Variants in MMP16 observed in about 807,000 individuals in gnomAD.
MMP16 encodes matrix metallopeptidase 16, also known as matrix metalloproteinase-16.
A neutral mutation model predicts 67.8 loss-of-function variants in MMP16; 12 were observed. The observed-to-expected ratio is 0.18, with a 90% CI of 0.11 to 0.29. The LOEUF (loss-of-function observed/expected upper bound fraction) is 0.29. Ranked by LOEUF, MMP16 falls within the 10% of genes least tolerant of loss-of-function variation. The pLI is 1.00. For synonymous variants in MMP16, 249 were observed against 255.9 expected (o/e 0.97, Z 0.26); for missense variants, 475 against 765.7 (o/e 0.62, Z 4.48).
At chr8:88,305,331 C>T (rs1024566065) in intron 1 of MMP16, among the ~76,000 whole-genome samples, 3 of 152,136 alleles carry the variant, frequency 2.0e-5, no homozygotes, top group African/African-American at 7.2e-5. Context: ...CTTAGATGCC[C>T]ACACAGCAAT....
At chr8:88,316,642 T>C (rs1024951394) in intron 1 of MMP16, among the ~76,000 whole-genome samples, 6 of 152,170 alleles carry the variant, frequency 3.9e-5, no homozygotes, top group African/African-American at 1.4e-4. Flanking sequence ...AGAGCTCTGA[T>C]GGAGATGTAT....
chr8:88,195,216 T>A (rs927140692), intron 2 of MMP16, among the ~76,000 whole-genome samples: 2 of 152,102 alleles, frequency 1.3e-5, no homozygotes, highest in Non-Finnish European at 2.9e-5. Flanking sequence ...AACATTTCCA[T>A]CCCAAGTCCT....
intron 1 of MMP16, among the ~76,000 whole-genome samples, chr8:88,229,558 T>C (rs1809826228): frequency 6.6e-6 from 1 of 152,066 alleles, no homozygotes; most frequent in African/African-American, 2.4e-5. Context: ...TTTAATTTGG[T>C]TTTTATTTGC....
chr8:88,271,468 T>C (rs1810561131), intron 1 of MMP16, among the ~76,000 whole-genome samples: 1 of 151,858 alleles, frequency 6.6e-6, no homozygotes, highest in Admixed American at 6.6e-5. Flanking sequence ...TCATTGCCAC[T>C]CACAGATTTG....
At chr8:88,236,037 T>C (rs1172996879) in intron 1 of MMP16, among the ~76,000 whole-genome samples, 2 of 152,220 alleles carry the variant, frequency 1.3e-5, no homozygotes, top group East Asian at 1.9e-4. Context: ...AGGAATGCTA[T>C]AGCAATAAAG....
At chr8:88,100,634 C>A (rs1375453629) in intron 6 of MMP16, among the ~76,000 whole-genome samples, 1 of 151,946 alleles carries the variant, frequency 6.6e-6, no homozygotes, top group Non-Finnish European at 1.5e-5. Flanking sequence ...TGGGTATATA[C>A]CCAAAGGATT....
intron 1 of MMP16, among the ~76,000 whole-genome samples, chr8:88,312,683 T>C (rs1019318800): frequency 3.9e-5 from 6 of 152,128 alleles, no homozygotes; most frequent in African/African-American, 1.4e-4. Flanking sequence ...TTAGTGTCCA[T>C]TTGAGCCAGG....
intron 6 of MMP16, among the ~76,000 whole-genome samples, chr8:88,106,051 G>GTATATATATATA (rs34758855): frequency 4.7e-4 from 69 of 145,416 alleles, no homozygotes; most frequent in African/African-American, 1.1e-3. Context: ...TACACGTTAT[G>GTATATATATATA]TATATATATA....
At chr8:88,044,594 A>G (rs2118193893) in intron 9 of MMP16, among the ~76,000 whole-genome samples, 1 of 152,248 alleles carries the variant, frequency 6.6e-6, no homozygotes, top group South Asian at 2.1e-4. Flanking sequence ...CTAAATTTTC[A>G]TTGTTTTGAG....
intron 4 of MMP16, among the ~76,000 whole-genome samples, chr8:88,161,543 C>G (rs1040468796): frequency 6.6e-6 from 1 of 151,984 alleles, no homozygotes; most frequent in African/African-American, 2.4e-5. Flanking sequence ...TTTTGTGTCT[C>G]TATTTCCTTC....
intron 1 of MMP16, among the ~76,000 whole-genome samples, chr8:88,279,316 T>C (rs1156738705): frequency 6.6e-6 from 1 of 152,306 alleles, no homozygotes; most frequent in African/African-American, 2.4e-5. Context: ...ATCCGCCATA[T>C]TGCATTAAAT....
At chr8:88,171,130 A>G (rs1808793304) in intron 3 of MMP16, among the ~76,000 whole-genome samples, 1 of 152,224 alleles carries the variant, frequency 6.6e-6, no homozygotes. Flanking sequence ...AAGCAAAATA[A>G]TATAATAAAA....
intron 2 of MMP16, among the ~76,000 whole-genome samples, chr8:88,193,242 T>C (rs988614823): frequency 2.6e-5 from 4 of 152,294 alleles, no homozygotes; most frequent in African/African-American, 7.2e-5. Context: ...TAAAATCCTG[T>C]AATTTGCAGC....
At chr8:88,311,840 A>G (rs1233345719) in intron 1 of MMP16, among the ~76,000 whole-genome samples, 1 of 152,202 alleles carries the variant, frequency 6.6e-6, no homozygotes, top group African/African-American at 2.4e-5. Context: ...CTTGCATGCC[A>G]TGTTATAAAT....
intron 1 of MMP16, among the ~76,000 whole-genome samples, chr8:88,273,092 T>C (rs1585992215): frequency 6.8e-6 from 1 of 146,782 alleles, no homozygotes; most frequent in African/African-American, 2.5e-5. Context: ...TAACCTGCCC[T>C]TTTTTTTTTG....
intron 1 of MMP16, among the ~76,000 whole-genome samples, chr8:88,306,579 C>T (rs981485046): frequency 2.0e-4 from 31 of 152,078 alleles, no homozygotes; most frequent in Admixed American, 3.9e-4. Context: ...AGCATATGCA[C>T]TACAATCAAG....
Position 88,046,678 on chromosome 8 carries a change from T to G in MMP16, c.1480A>C (p.Lys494Gln). 6.3e-7 allele frequency: 1 copy of G among 1,591,612 alleles called. No homozygotes were observed. Among genetic ancestry groups the G allele is most frequent in the South Asian group, 1.1e-5 (1 of 87,450 alleles). The change falls in exon 9 of 10, where the codon AAA (lysine) becomes CAA (glutamine). Residue 494 changes from lysine to glutamine, a missense_variant. This residue lies in a region of MMP16 where 23 missense variants were observed against 79.1 expected (regional missense o/e 0.29). Coordinates refer to ENST00000286614, the MANE Select transcript of MMP16 (RefSeq NM_005941.5). Reference sequence around the variant, plus strand: ...AGCACATGTTGCATACCATTTTCTTTGTGTACAAATGCTCCCTGAGGAGAT... The same window carrying G: ...AGCACATGTTGCATACCATTTTCTTGGTGTACAAATGCTCCCTGAGGAGAT... ...PESPQGAFVH[K>Q]ENGFTYFYKG...
chr8:88,069,779 T>A (rs1808521142), intron 7 of MMP16, among the ~76,000 whole-genome samples: 1 of 152,134 alleles, frequency 6.6e-6, no homozygotes, highest in African/African-American at 2.4e-5. Context: ...TTTCTCTAAC[T>A]CAGGAATCTC....
intron 6 of MMP16, among the ~76,000 whole-genome samples, chr8:88,102,865 T>G (rs1043366476): frequency 2.0e-5 from 3 of 151,902 alleles, no homozygotes; most frequent in Non-Finnish European, 4.4e-5. Flanking sequence ...TCTTGCCTTT[T>G]GGGAATGGGA....
Sources: gnomAD v4.1 joint callset for allele counts (sites outside exome capture counted in the v4.1 genomes callset) on GRCh38, gnomAD v4.1.1 for gene constraint, gnomAD v4.1.1 regional missense constraint, MANE v1.5 for transcripts, NCBI Gene and HGNC (gene_info 2026-07-23, HGNC 2026-07-21) for gene names.